PAWR: variants seen among roughly 807,000 people sequenced by gnomAD.
PAWR encodes pro-apoptotic WT1 regulator.
A neutral mutation model predicts 32.0 loss-of-function variants in PAWR; 23 were observed. That is an observed-to-expected ratio of 0.72 (90% confidence interval 0.52 to 1.02). The LOEUF (loss-of-function observed/expected upper bound fraction) is 1.02, where lower values mean the gene tolerates loss of function less well. Ranked by LOEUF, PAWR falls within the 50% of genes least tolerant of loss-of-function variation. The pLI is 0.00. For missense variants in PAWR, 457 were observed against 437.7 expected, an observed-to-expected ratio of 1.04 and a Z score of -0.39; for synonymous variants, 226 against 187.1, an observed-to-expected ratio of 1.21 and a Z score of -1.70.
At chr12:79,621,899 A>G (rs769800731) in intron 2 of PAWR, among the ~76,000 whole-genome samples, 14 of 152,188 alleles carry the variant, frequency 9.2e-5, no homozygotes, top group Non-Finnish European at 4.4e-5. Context: ...ATCTCTATCC[A>G]TTATACACAT....
intron 2 of PAWR, among the ~76,000 whole-genome samples, chr12:79,682,101 G>A (rs1047458758): frequency 5.9e-5 from 9 of 152,138 alleles, no homozygotes; most frequent in Non-Finnish European, 1.3e-4. Context: ...ATTTCAAACT[G>A]TATATTATTA....
At chr12:79,596,376 A>G (rs1873746228) in intron 5 of PAWR, 135 bp downstream of exon 5, 2 of 549,290 alleles carry the variant, frequency 3.6e-6, no homozygotes, top group Non-Finnish European at 6.3e-6. Flanking sequence ...AATATACTAA[A>G]GGTAACAGTT....
chr12:79,669,720 CTT>C (rs929299436), intron 2 of PAWR, among the ~76,000 whole-genome samples: 2 of 150,758 alleles, frequency 1.3e-5, no homozygotes, highest in Non-Finnish European at 3.0e-5. Context: ...GTTATTCATT[CTT>C]TTTTTTTGTT....
chr12:79,609,429 C>T (rs73343656), intron 4 of PAWR, among the ~76,000 whole-genome samples: 1,676 of 152,172 alleles, frequency 0.011, 40 homozygotes, highest in African/African-American at 0.038. Flanking sequence ...GGGTCCCACC[C>T]TCAATCCTTG....
intron 2 of PAWR, among the ~76,000 whole-genome samples, chr12:79,671,258 T>A (rs1226659304): frequency 6.6e-6 from 1 of 152,178 alleles, no homozygotes; most frequent in Admixed American, 6.5e-5. Context: ...ACAACATAAT[T>A]GAAATCTCTT....
In PAWR at chr12:79,613,583, T is replaced by C; in HGVS notation, c.675A>G (p.Arg225=). ...LQEPPRTVSG[R]YKSTTSVSEE... The stretch of plus-strand genomic sequence containing the variant: ...GTCATAAGGATTCTTACCTTTTATA[T>C]CTGCCTGAAACTGTTCTAGGTGGCT... The change falls in exon 4 of 7, where the codon AGA becomes AGG. Residue 225 remains arginine, a synonymous_variant. Transcript: ENST00000328827. 3.2e-6 allele frequency: 5 copies of C among 1,544,038 alleles called. No homozygotes were observed. The highest frequency in any genetic ancestry group is 1.7e-4 in the Middle Eastern group (1 of 5,882).
chr12:79,648,468 C>T (rs73345508), intron 2 of PAWR, among the ~76,000 whole-genome samples: 2,239 of 152,112 alleles, frequency 0.015, 65 homozygotes, highest in African/African-American at 0.051. Context: ...ACCACACACA[C>T]ATTTGGATAT....
At chr12:79,600,259 A>G (rs193006846) in intron 4 of PAWR, among the ~76,000 whole-genome samples, 2 of 152,330 alleles carry the variant, frequency 1.3e-5, no homozygotes, top group South Asian at 2.1e-4. Flanking sequence ...GCTTGTCAAA[A>G]AAGTCCAGTA....
At chr12:79,670,968 G>A (rs1877865521) in intron 2 of PAWR, among the ~76,000 whole-genome samples, 1 of 147,764 alleles carries the variant, frequency 6.8e-6, no homozygotes, top group Admixed American at 6.8e-5. Flanking sequence ...TACTAAAATA[G>A]ACTGTCAAGG....
At chr12:79,632,342 T>TATATATAC (rs1875723782) in intron 2 of PAWR, among the ~76,000 whole-genome samples, 1 of 60,746 alleles carries the variant, frequency 1.6e-5, no homozygotes, top group Non-Finnish European at 2.5e-5. Context: ...TATATATATA[T>TATATATAC]ATATATATAT....
chr12:79,661,248 C>CAAAAAAAAAAAAAAAAAAAAAAAAAAAA (rs397967995), intron 2 of PAWR, among the ~76,000 whole-genome samples: 1 of 71,462 alleles, frequency 1.4e-5, no homozygotes, highest in Non-Finnish European at 3.4e-5. Context: ...GACTCTGTCT[C>CAAAAAAAAAAAAAAAAAAAAAAAAAAAA]AAAAAAAAAA....
chr12:79,679,837 GC>G (rs1173786109), intron 2 of PAWR, among the ~76,000 whole-genome samples: 1 of 152,106 alleles, frequency 6.6e-6, no homozygotes, highest in Non-Finnish European at 1.5e-5. Flanking sequence ...AATTTTTAAT[GC>G]CAATGAAATA....
chr12:79,624,114 C>T (rs1875163592), intron 2 of PAWR, among the ~76,000 whole-genome samples: 1 of 152,096 alleles, frequency 6.6e-6, no homozygotes, highest in African/African-American at 2.4e-5. Context: ...ACCTAGGCTC[C>T]AACATCATTA....
At chr12:79,656,468 CAT>C (rs1464481507) in intron 2 of PAWR, among the ~76,000 whole-genome samples, 5 of 152,060 alleles carry the variant, frequency 3.3e-5, no homozygotes, top group Non-Finnish European at 5.9e-5. Flanking sequence ...ATATGGAAGA[CAT>C]ATGTCAATTC....
intron 2 of PAWR, among the ~76,000 whole-genome samples, chr12:79,659,917 GA>G (rs1877269254): frequency 6.6e-6 from 1 of 152,036 alleles, no homozygotes; most frequent in Non-Finnish European, 1.5e-5. Flanking sequence ...AGGGGGTGGG[GA>G]AAGAAGTAAA....
chr12:79,644,350 C>T (rs8176823), intron 2 of PAWR, among the ~76,000 whole-genome samples: 2,870 of 152,210 alleles, frequency 0.019, 103 homozygotes, highest in African/African-American at 0.065. Flanking sequence ...TCATATGCCT[C>T]TCTCATTACA....
intron 2 of PAWR, among the ~76,000 whole-genome samples, chr12:79,656,434 G>A (rs1029466063): frequency 1.3e-5 from 2 of 152,144 alleles, no homozygotes; most frequent in African/African-American, 2.4e-5. Context: ...GAATGGATGC[G>A]TAACATGGGG....
At chr12:79,600,986 G>A (rs1479048767) in intron 4 of PAWR, among the ~76,000 whole-genome samples, 3 of 152,036 alleles carry the variant, frequency 2.0e-5, no homozygotes, top group Non-Finnish European at 4.4e-5. Context: ...TTATTCTCAA[G>A]TTCTTTTCTT....
intron 4 of PAWR, among the ~76,000 whole-genome samples, chr12:79,607,728 CAAA>C (rs566552836): frequency 3.9e-5 from 5 of 127,092 alleles, no homozygotes; most frequent in Non-Finnish European, 5.1e-5. Flanking sequence ...GACCTTGTCT[CAAA>C]AAAAAAAAAA....
Sources: gnomAD v4.1 joint callset for allele counts (sites outside exome capture counted in the v4.1 genomes callset) on GRCh38, gnomAD v4.1.1 for gene constraint, MANE v1.5 for transcripts, NCBI Gene and HGNC (gene_info 2026-07-23, HGNC 2026-07-21) for gene names.